The following NOX4 variants were observed in gnomAD, a reference collection of about 807,000 sequenced individuals.
NOX4 encodes NADPH oxidase 4.
NOX4 carries 69 observed loss-of-function variants against 87.6 expected under a neutral mutation model. The ratio of observed to expected loss-of-function variants is 0.79; its 90% confidence interval spans 0.65 to 0.96. The LOEUF is 0.96. Ranked by LOEUF, NOX4 falls within the 40% of genes least tolerant of loss-of-function variation. The probability of loss-of-function intolerance (pLI) is 0.00; values close to 1 mark genes in which losing one functional copy is unlikely to be tolerated. For missense variants in NOX4, 680 were observed against 681.5 expected, an observed-to-expected ratio of 1.00 and a Z score of 0.02; for synonymous variants, 275 against 238.2, an observed-to-expected ratio of 1.15 and a Z score of -1.42.
the NOX4 span, among the ~76,000 whole-genome samples, chr11:89,563,795 C>T: frequency 6.6e-6 from 1 of 152,032 alleles, no homozygotes. Flanking sequence ...TCTTTCTTAA[C>T]ATTACTTTTT....
chr11:89,516,231 T>C, the NOX4 span, among the ~76,000 whole-genome samples: 1 of 152,092 alleles, frequency 6.6e-6, no homozygotes, highest in Non-Finnish European at 1.5e-5. Flanking sequence ...ACATACATTA[T>C]AAACCTCAAA....
chr11:89,371,036 T>A (rs552298790), intron 12 of NOX4, among the ~76,000 whole-genome samples: 2 of 152,160 alleles, frequency 1.3e-5, no homozygotes, highest in Non-Finnish European at 1.5e-5. Flanking sequence ...CTCTTAGGTA[T>A]CTCTTTGGTA....
chr11:89,432,874 A>T lies in NOX4; in HGVS notation c.476-18T>A, dbSNP rs374284424. The T allele has an allele frequency of 6.4e-7, 1 of 1,562,992 alleles. No individual in the cohort carries two copies. The highest frequency in any genetic ancestry group is 1.4e-5 in the African/African-American group (1 of 73,628). Reference sequence around the variant, plus strand: ...GCCAGGAACTATAAAAATGTATACAAGTAGGTTTTTACTTAAATCATAGTG... The same window carrying T: ...GCCAGGAACTATAAAAATGTATACATGTAGGTTTTTACTTAAATCATAGTG... On this transcript the variant is annotated intron_variant, in intron 6 of 17. Transcript: ENST00000263317.
chr11:89,524,186 T>G, the NOX4 span, among the ~76,000 whole-genome samples: 1 of 152,194 alleles, frequency 6.6e-6, no homozygotes. Context: ...AAACAAGTTG[T>G]TTCTGAAAAT....
chr11:89,374,888 G>C (rs1012511800), intron 11 of NOX4, among the ~76,000 whole-genome samples: 1 of 152,170 alleles, frequency 6.6e-6, no homozygotes. Flanking sequence ...AGACTTCAGA[G>C]CTCACTGTGC....
chr11:89,448,920 C>A (rs761527332), intron 4 of NOX4, among the ~76,000 whole-genome samples: 1 of 152,038 alleles, frequency 6.6e-6, no homozygotes, highest in Non-Finnish European at 1.5e-5. Flanking sequence ...CATTTAAACT[C>A]ATATCACATC....
In NOX4 at chr11:89,326,595, C is replaced by T. The variant is rs1438184572; in HGVS notation, c.*161G>A. 2.3e-5 allele frequency: 12 copies of T among 523,712 alleles called. No individual in the cohort carries two copies. Among genetic ancestry groups the T allele is most frequent in the Middle Eastern group, 5.0e-4 (1 of 1,988 alleles). The allele number at this position is 523,712 out of a possible 1,614,324, so 32.4% of individuals were successfully genotyped here. ...TTTCCAGATTAAACATGTAATGTGACGGTCATCTTGCCACATTCTCACATT... is the reference window on the plus strand; with the variant it reads ...TTTCCAGATTAAACATGTAATGTGATGGTCATCTTGCCACATTCTCACATT... On this transcript the variant is annotated 3_prime_UTR_variant, in exon 18 of 18. Transcript: ENST00000263317.
the NOX4 span, among the ~76,000 whole-genome samples, chr11:89,504,818 T>C: frequency 6.6e-6 from 1 of 151,954 alleles, no homozygotes; most frequent in African/African-American, 2.4e-5. Context: ...TTTTGGACAA[T>C]TCTGAATGTT....
upstream of NOX4, among the ~76,000 whole-genome samples, chr11:89,495,504 C>A (rs999188039): frequency 2.6e-5 from 4 of 152,066 alleles, no homozygotes; most frequent in African/African-American, 9.7e-5. Context: ...AGGATAATAT[C>A]CCTATGCAGG....
At position 89,324,707 on chromosome 11, in the gene NOX4, G is replaced by A. The variant is rs1026882728; in HGVS notation, c.*2049C>T. 6.6e-6 allele frequency: 1 copy of A among 152,164 alleles called. No individual in the cohort carries two copies. Among genetic ancestry groups the A allele is most frequent in the African/African-American group, 2.4e-5 (1 of 41,444 alleles). 9.4% of individuals were successfully genotyped at this position (152,164 alleles called of 1,614,324 possible). On this transcript the variant is annotated 3_prime_UTR_variant, in exon 18 of 18. Coordinates refer to ENST00000263317, the MANE Select transcript of NOX4 (RefSeq NM_016931.5). ...CATTAAGCCTGGACTAACTCAAAGT[G>A]TCTTTTTACTAGTTCTTTCTGTTAA...
the NOX4 span, among the ~76,000 whole-genome samples, chr11:89,537,350 A>G: frequency 2.0e-5 from 3 of 151,830 alleles, no homozygotes; most frequent in East Asian, 5.8e-4. Context: ...AAGCATATTT[A>G]TATCTTTTTA....
At chr11:89,494,040 C>A (rs1946921049), upstream of NOX4, among the ~76,000 whole-genome samples, 1 of 152,166 alleles carries the variant, frequency 6.6e-6, no homozygotes, top group Non-Finnish European at 1.5e-5. Flanking sequence ...CAGGCGTGAG[C>A]CACCGTGCCT....
At chr11:89,390,218 C>T (rs1941033122) in intron 11 of NOX4, among the ~76,000 whole-genome samples, 1 of 152,138 alleles carries the variant, frequency 6.6e-6, no homozygotes, top group Non-Finnish European at 1.5e-5. Context: ...TAAAATTTAG[C>T]TTAGAAATAT....
At chr11:89,434,977 G>A (rs769374621) in intron 6 of NOX4, among the ~76,000 whole-genome samples, 1 of 151,980 alleles carries the variant, frequency 6.6e-6, no homozygotes, top group Non-Finnish European at 1.5e-5. Flanking sequence ...AGGGCAAGAT[G>A]CGTTATAAAA....
chr11:89,400,287 C>G lies in NOX4; in HGVS notation c.939G>C (p.Ser313=). 6.2e-7 allele frequency: 1 copy of G among 1,612,796 alleles called. No homozygotes were observed. Among genetic ancestry groups the G allele is most frequent in the South Asian group, 1.1e-5 (1 of 91,014 alleles). ...TGACATCTGAGGGATGACTCATGACCGAAATGATGGTGACTGGCTTATTGC... is the reference window on the plus strand; with the variant it reads ...TGACATCTGAGGGATGACTCATGACGGAAATGATGGTGACTGGCTTATTGC... ...IRSNKPVTII[S]VMSHPSDVME... Residue 313 remains serine, a synonymous_variant, in exon 10 of 18, where the codon TCG becomes TCC. Coordinates refer to ENST00000263317, the MANE Select transcript of NOX4 (RefSeq NM_016931.5).
At chr11:89,571,170 C>T in the NOX4 span, among the ~76,000 whole-genome samples, 14 of 152,160 alleles carry the variant, frequency 9.2e-5, no homozygotes, top group African/African-American at 2.2e-4. Flanking sequence ...TCATTTCTTA[C>T]GTGCTCTTGA....
the NOX4 span, among the ~76,000 whole-genome samples, chr11:89,561,065 A>ATC: frequency 9.0e-6 from 1 of 110,746 alleles, no homozygotes; most frequent in Non-Finnish European, 1.9e-5. Flanking sequence ...ATATATATAT[A>ATC]TATATATATA....
At chr11:89,343,078 C>G (rs931193167) in intron 13 of NOX4, among the ~76,000 whole-genome samples, 2 of 152,110 alleles carry the variant, frequency 1.3e-5, no homozygotes, top group African/African-American at 4.8e-5. Context: ...CACACACACA[C>G]CCTCCCCACT....
At chr11:89,356,839 T>C (rs1276133318) in intron 12 of NOX4, among the ~76,000 whole-genome samples, 2 of 152,092 alleles carry the variant, frequency 1.3e-5, no homozygotes, top group South Asian at 2.1e-4. Context: ...CTATTTTTAC[T>C]GGAGAAAACT....
Sources: allele counts gnomAD v4.1 joint callset (sites outside exome capture counted in the v4.1 genomes callset), GRCh38; gene constraint gnomAD v4.1.1; transcripts MANE v1.5; gene names NCBI Gene and HGNC (gene_info 2026-07-23, HGNC 2026-07-21).